Variants in HECTD4 observed in about 807,000 individuals in gnomAD.
HECTD4 encodes the protein HECT domain E3 ubiquitin protein ligase 4.
HECTD4 carries 114 observed loss-of-function variants against 471.5 expected under a neutral mutation model. The observed-to-expected ratio is 0.24, with a 90% CI of 0.21 to 0.28. The LOEUF (loss-of-function observed/expected upper bound fraction) is 0.28. HECTD4 is among the 10% of genes least tolerant of loss of function. The pLI, the probability that HECTD4 is intolerant of heterozygous loss-of-function variation, is 1.00. For missense variants in HECTD4, 3,866 were observed against 5,651.5 expected (o/e 0.68, Z 10.13); for synonymous variants, 2,012 against 2,256.0 (o/e 0.89, Z 3.07).
chr12:112,241,214 G>A lies in HECTD4; in HGVS notation c.4959-1187C>T, dbSNP rs532735582. On this transcript the variant is annotated intron_variant, in intron 32 of 75. Coordinates refer to ENST00000682272, the MANE Select transcript of HECTD4 (RefSeq NM_001388303.1). Reference sequence around the variant, plus strand: ...AAGTTTCTGACAAATGACAATAATCGAGGGAAAAGGAATAGTGCTGCCAGT... The same window carrying A: ...AAGTTTCTGACAAATGACAATAATCAAGGGAAAAGGAATAGTGCTGCCAGT... Among the ~76,000 whole-genome samples, 7 of 151,926 alleles carry A rather than the reference G, an allele frequency of 4.6e-5. No homozygotes were observed. In the South Asian group the frequency reaches 8.3e-4, roughly 18 times the overall value.
chr12:112,313,215 T>C, intron 3 of HECTD4, 68 bp from the exon 4 acceptor site: 1 of 1,365,578 alleles, frequency 7.3e-7, no homozygotes, highest in South Asian at 1.7e-5. Context: ...GTATACCTGC[T>C]ACCCCAAAGA....
At chr12:112,264,507 G>A (rs1470827331) in intron 16 of HECTD4, among the ~76,000 whole-genome samples, 1 of 151,870 alleles carries the variant, frequency 6.6e-6, no homozygotes, top group African/African-American at 2.4e-5. Context: ...CTCCATTATA[G>A]AAGAATACTC....
intron 66 of HECTD4, among the ~76,000 whole-genome samples, chr12:112,174,104 A>G (rs968720205): frequency 6.6e-6 from 1 of 151,754 alleles, no homozygotes; most frequent in Non-Finnish European, 1.5e-5. Flanking sequence ...CAGCCTCCCA[A>G]GTAGCTGGGA....
intron 1 of HECTD4, among the ~76,000 whole-genome samples, chr12:112,335,667 GAC>G (rs1177538201): frequency 6.6e-6 from 1 of 152,064 alleles, no homozygotes; most frequent in Non-Finnish European, 1.5e-5. Context: ...CAGTCTGGGT[GAC>G]AGAGTGAGAC....
chr12:112,282,589 T>C (rs1328815560), intron 8 of HECTD4, among the ~76,000 whole-genome samples: 1 of 152,176 alleles, frequency 6.6e-6, no homozygotes, highest in Non-Finnish European at 1.5e-5. Flanking sequence ...GGGGTCACAA[T>C]ATAAAATTTA....
chr12:112,312,202 T>G (rs1290756102), intron 4 of HECTD4, among the ~76,000 whole-genome samples: 4 of 152,240 alleles, frequency 2.6e-5, no homozygotes, highest in Non-Finnish European at 5.9e-5. Flanking sequence ...ACATTCAACT[T>G]CTTAATGGCA....
intron 7 of HECTD4, among the ~76,000 whole-genome samples, chr12:112,299,291 T>C (rs771450403): frequency 1.4e-4 from 21 of 152,210 alleles, no homozygotes; most frequent in African/African-American, 1.7e-4. Flanking sequence ...AATACGGACA[T>C]TTTCTTATGT....
intron 47 of HECTD4, 108 bp downstream of exon 47, chr12:112,216,665 C>T: frequency 7.7e-7 from 1 of 1,293,878 alleles, no homozygotes; most frequent in East Asian, 2.3e-5. Flanking sequence ...GCTCTCCTTT[C>T]CCCAAACTCA....
At chr12:112,333,454 G>A (rs750232709) in intron 1 of HECTD4, among the ~76,000 whole-genome samples, 12 of 152,170 alleles carry the variant, frequency 7.9e-5, no homozygotes, top group African/African-American at 1.2e-4. Flanking sequence ...GGGTAATGAC[G>A]TTGAGCATCA....
In HECTD4 at chr12:112,210,242, G is replaced by A. The variant is rs769567611; in HGVS notation, c.7640C>T (p.Thr2547Ile). ...VVHIQKKNTK[T>I]RANFGSRPFA... is the part of the protein sequence containing the mutation. Reference sequence around the variant, plus strand: ...CGGCCGGGAGCCAAAGTTAGCTCGGGTTTTGGTGTTCTGGAAAGGAGACCA... The same window carrying A: ...CGGCCGGGAGCCAAAGTTAGCTCGGATTTTGGTGTTCTGGAAAGGAGACCA... The change falls in exon 50 of 76, where the codon ACC becomes ATC. Residue 2547 changes from threonine to isoleucine, a missense_variant. Thr to Ile is a moderately conservative substitution (Grantham distance 89). Transcript: ENST00000682272. 1.9e-6 allele frequency: 3 copies of A among 1,613,852 alleles called. No individual in the cohort carries two copies. Among genetic ancestry groups the A allele is most frequent in the East Asian group, 2.2e-5 (1 of 44,880 alleles).
At chr12:112,171,601 A>G (rs565052571) in intron 67 of HECTD4, among the ~76,000 whole-genome samples, 13 of 152,352 alleles carry the variant, frequency 8.5e-5, no homozygotes, top group African/African-American at 2.9e-4. Flanking sequence ...AAAATGGCAC[A>G]AAGAGTCCCG....
At chr12:112,167,738 C>T in intron 71 of HECTD4, 76 bp downstream of exon 71, 1 of 1,344,310 alleles carries the variant, frequency 7.4e-7, no homozygotes, top group Non-Finnish European at 1.1e-6. Flanking sequence ...TGATGAGACA[C>T]ACACTGCCCG....
At chr12:112,218,263 A>G (rs568482160) in intron 45 of HECTD4, among the ~76,000 whole-genome samples, 1 of 152,210 alleles carries the variant, frequency 6.6e-6, no homozygotes, top group East Asian at 1.9e-4. Context: ...GTAGGTGTAT[A>G]TATTTATGGG....
intron 32 of HECTD4, among the ~76,000 whole-genome samples, chr12:112,242,971 T>C (rs1164190735): frequency 1.3e-5 from 2 of 152,134 alleles, no homozygotes; most frequent in East Asian, 3.9e-4. Flanking sequence ...CACAGATATC[T>C]GAGATATCTA....
rs1467213289 is a variant in HECTD4 at position 112,161,085 on chromosome 12, AC to A, written c.*1301del. On this transcript the variant is annotated 3_prime_UTR_variant, in exon 76 of 76. Coordinates refer to ENST00000682272, the MANE Select transcript of HECTD4 (RefSeq NM_001388303.1). ...CTTGGACCAGCATCCACACTCCAAA[AC>A]CTTCTAGACAGCACTCACTCAAAAC... 1 of 152,194 alleles carries A rather than the reference AC, an allele frequency of 6.6e-6. No homozygotes were observed. The highest frequency in any genetic ancestry group is 1.5e-5 in the Non-Finnish European group (1 of 68,058). The allele number at this position is 152,194 out of a possible 1,614,324, so 9.4% of individuals were successfully genotyped here. A position where few individuals can be genotyped will look rare whatever the true frequency, so the allele number is the denominator to read the frequency against.
chr12:112,226,951 G>T, intron 43 of HECTD4, 193 bp from the exon 44 acceptor site: 1 of 462,534 alleles, frequency 2.2e-6, no homozygotes. Flanking sequence ...TTGCCACACA[G>T]TAACTGCTGA....
intron 1 of HECTD4, among the ~76,000 whole-genome samples, chr12:112,330,253 G>A (rs2035822434): frequency 6.6e-6 from 1 of 151,138 alleles, no homozygotes; most frequent in African/African-American, 2.4e-5. Context: ...CTCCAGCCTG[G>A]GCAACAGAGT....
intron 17 of HECTD4, among the ~76,000 whole-genome samples, chr12:112,262,625 A>ATTT (rs146947965): frequency 2.0e-5 from 3 of 148,402 alleles, no homozygotes; most frequent in African/African-American, 2.5e-5. Flanking sequence ...TATTATTATT[A>ATTT]TATTTTTTGA....
intron 1 of HECTD4, among the ~76,000 whole-genome samples, chr12:112,371,354 G>GCAC (rs1157354796): frequency 6.6e-6 from 1 of 151,754 alleles, no homozygotes; most frequent in African/African-American, 2.4e-5. Context: ...GGTGGGTGGA[G>GCAC]CACCTGAGGT....
Sources: gnomAD v4.1 joint callset for allele counts (sites outside exome capture counted in the v4.1 genomes callset) on GRCh38, gnomAD v4.1.1 for gene constraint, MANE v1.5 for transcripts, NCBI Gene and HGNC (gene_info 2026-07-23, HGNC 2026-07-21) for gene names.